The following SMU1 variants were observed in gnomAD, a reference collection of about 807,000 sequenced individuals.
SMU1 encodes the protein SMU1 DNA replication regulator and spliceosomal factor.
SMU1 carries 2 observed loss-of-function variants against 62.0 expected under a neutral mutation model. That is an observed-to-expected ratio of 0.03 (90% CI 0.01 to 0.10). SMU1 has a LOEUF of 0.10. Ranked by LOEUF, SMU1 falls within the 10% of genes least tolerant of loss-of-function variation. The pLI, the probability that SMU1 is intolerant of heterozygous loss-of-function variation, is 1.00. For missense variants in SMU1, 227 were observed against 622.1 expected, an observed-to-expected ratio of 0.36 and a Z score of 6.76; for synonymous variants, 188 against 212.4, an observed-to-expected ratio of 0.89 and a Z score of 1.00.
intron 9 of SMU1, 102 bp downstream of exon 9, chr9:33,056,011 G>A (rs1229306317): frequency 6.8e-6 from 8 of 1,182,832 alleles, no homozygotes; most frequent in East Asian, 5.2e-5. Flanking sequence ...CCAGGAAAGA[G>A]GTTTACTACA....
intron 4 of SMU1, 123 bp from the exon 5 acceptor site, chr9:33,062,300 A>C: frequency 1.5e-6 from 2 of 1,298,400 alleles, no homozygotes; most frequent in Non-Finnish European, 2.1e-6. Flanking sequence ...CTAAACCCCA[A>C]CTATTTTTGG....
chr9:33,057,557 C>A, intron 7 of SMU1, 41 bp downstream of exon 7: 1 of 1,610,190 alleles, frequency 6.2e-7, no homozygotes, highest in South Asian at 1.1e-5. Flanking sequence ...GCAGAACATT[C>A]AAAATGTCTA....
In SMU1 at chr9:33,053,198, T is replaced by C. The variant is rs78471392; in HGVS notation, c.1215A>G (p.Leu405=). 585 of 1,612,338 alleles carry C rather than the reference T, an allele frequency of 3.6e-4. 5 individuals carry two copies. In the East Asian group the frequency reaches 0.012, roughly 33 times the overall value. The change falls in exon 10 of 12, where the codon CTA becomes CTG. Residue 405 remains leucine (L), a synonymous_variant. Coordinates refer to ENST00000397149, the MANE Select transcript of SMU1 (RefSeq NM_018225.3). ...GTDITVNSVI[L]LPKNPEHFVV... The stretch of plus-strand genomic sequence containing the variant: ...CAAAGTGCTCAGGGTTTTTAGGAAG[T>C]AGAATCACACTGTTGACGGTAATAT...
intron 9 of SMU1, among the ~76,000 whole-genome samples, chr9:33,054,374 G>A (rs765379919): frequency 6.6e-6 from 1 of 152,078 alleles, no homozygotes; most frequent in Non-Finnish European, 1.5e-5. Context: ...GGTAGGTCTA[G>A]GGTGAGGCAT....
intron 2 of SMU1, among the ~76,000 whole-genome samples, chr9:33,072,188 T>G (rs1224918738): frequency 1.3e-5 from 2 of 151,898 alleles, no homozygotes; most frequent in Non-Finnish European, 2.9e-5. Flanking sequence ...ACAAAAAAAA[T>G]TAGCTGGGTG....
At chr9:33,067,293 T>C (rs1326638790) in intron 4 of SMU1, among the ~76,000 whole-genome samples, 1 of 55,780 alleles carries the variant, frequency 1.8e-5, no homozygotes, top group Non-Finnish European at 3.3e-5. Context: ...TAGTTGCTAA[T>C]GACCAAAAAA....
intron 3 of SMU1, among the ~76,000 whole-genome samples, chr9:33,071,427 T>C (rs1363139913): frequency 6.6e-6 from 1 of 152,146 alleles, no homozygotes; most frequent in Non-Finnish European, 1.5e-5. Context: ...ATACCAGCAG[T>C]CAGGCAGCAC....
At chr9:33,074,058 G>A (rs1386348672) in intron 1 of SMU1, among the ~76,000 whole-genome samples, 2 of 152,208 alleles carry the variant, frequency 1.3e-5, no homozygotes, top group African/African-American at 4.8e-5. Context: ...GTGTCAAGGT[G>A]ACTATCTTAT....
intron 6 of SMU1, among the ~76,000 whole-genome samples, chr9:33,059,770 TA>T (rs887454235): frequency 2.0e-5 from 3 of 150,908 alleles, no homozygotes; most frequent in African/African-American, 7.3e-5. Context: ...CAGGCCCAGC[TA>T]ATTTTTTTTA....
At chr9:33,052,806 C>T (rs1417507786) in intron 10 of SMU1, among the ~76,000 whole-genome samples, 5 of 152,210 alleles carry the variant, frequency 3.3e-5, no homozygotes, top group Non-Finnish European at 7.3e-5. Context: ...CACTGTATCC[C>T]CCTAACTCAG....
intron 9 of SMU1, among the ~76,000 whole-genome samples, chr9:33,055,189 T>C (rs1049671713): frequency 1.3e-5 from 2 of 152,126 alleles, no homozygotes; most frequent in Admixed American, 1.3e-4. Context: ...CATTTATTGA[T>C]TGACTGAGAC....
In SMU1 at chr9:33,047,096, T is replaced by C. The variant is rs1839194034; in HGVS notation, c.*197A>G. On this transcript the variant is annotated 3_prime_UTR_variant, in exon 12 of 12. Transcript: ENST00000397149. ...AGTGACTGCACCAGTTAGAAGAAGA[T>C]AAACTAATACCTTAAAAATATATAA... The C allele has an allele frequency of 6.5e-6, 3 of 460,708 alleles. No individual in the cohort carries two copies. The highest frequency in any genetic ancestry group is 4.1e-5 in the Admixed American group (1 of 24,258). The allele number at this position is 460,708 out of a possible 1,614,324, so 28.5% of individuals were successfully genotyped here.
intron 4 of SMU1, among the ~76,000 whole-genome samples, chr9:33,062,543 ATG>A (rs1039409364): frequency 1.3e-5 from 2 of 151,926 alleles, no homozygotes; most frequent in Non-Finnish European, 2.9e-5. Context: ...CCCCCCACAT[ATG>A]TGTTTCATTA....
chr9:33,068,702 A>T, intron 4 of SMU1, 122 bp downstream of exon 4: 1 of 1,124,894 alleles, frequency 8.9e-7, no homozygotes, highest in Non-Finnish European at 1.2e-6. Flanking sequence ...ACAGAGTCTC[A>T]CAATGTTGCT....
intron 1 of SMU1, among the ~76,000 whole-genome samples, chr9:33,074,328 G>A (rs1375283580): frequency 6.6e-6 from 1 of 151,980 alleles, no homozygotes; most frequent in East Asian, 1.9e-4. Flanking sequence ...GCCAAACATG[G>A]TGGCATGTGC....
chr9:33,060,159 C>T (rs909361905), intron 6 of SMU1, among the ~76,000 whole-genome samples: 1 of 152,002 alleles, frequency 6.6e-6, no homozygotes, highest in Non-Finnish European at 1.5e-5. Context: ...TAGGTGCACA[C>T]AAGCATGCAT....
chr9:33,069,086 T>C, intron 3 of SMU1, 152 bp from the exon 4 acceptor site: 1 of 1,285,196 alleles, frequency 7.8e-7, no homozygotes, highest in Non-Finnish European at 1.0e-6. Context: ...TAATTTAGTT[T>C]TTGAAAATGA....
chr9:33,069,321 A>C (rs975033649), intron 3 of SMU1, among the ~76,000 whole-genome samples: 2 of 152,254 alleles, frequency 1.3e-5, no homozygotes, highest in African/African-American at 4.8e-5. Context: ...GTAATTTCTT[A>C]AATGGCTCCC....
At chr9:33,068,472 A>G (rs1587712366) in intron 4 of SMU1, among the ~76,000 whole-genome samples, 1 of 152,170 alleles carries the variant, frequency 6.6e-6, no homozygotes, top group Non-Finnish European at 1.5e-5. Flanking sequence ...GTTTATACAT[A>G]GGAAATTAGG....
Sources: gnomAD v4.1 joint callset for allele counts (sites outside exome capture counted in the v4.1 genomes callset) on GRCh38, gnomAD v4.1.1 for gene constraint, MANE v1.5 for transcripts, NCBI Gene and HGNC (gene_info 2026-07-23, HGNC 2026-07-21) for gene names.